Variants in PKD1L1 observed in about 807,000 individuals in gnomAD.
The protein encoded by PKD1L1 is polycystin-1-like protein 1.
PKD1L1 carries 236 observed loss-of-function variants against 323.4 expected under a neutral mutation model. That is an observed-to-expected ratio of 0.73 (90% CI 0.66 to 0.81). PKD1L1 has a LOEUF of 0.81. Among genes scored for constraint, PKD1L1 ranks in the 40% least tolerant of loss-of-function variants. The pLI, the probability that PKD1L1 is intolerant of heterozygous loss-of-function variation, is 0.00. For missense variants in PKD1L1, 3,320 were observed against 3,508.0 expected (o/e 0.95, Z 1.35); for synonymous variants, 1,344 against 1,335.0 (o/e 1.01, Z -0.15).
chr7:47,837,941 C>T (rs973704729), intron 36 of PKD1L1, among the ~76,000 whole-genome samples: 3 of 152,166 alleles, frequency 2.0e-5, no homozygotes, highest in East Asian at 3.8e-4. Flanking sequence ...ACAAGCAACG[C>T]TCAATTCGCA....
chr7:47,858,556 A>G, intron 27 of PKD1L1, 117 bp downstream of exon 27: 1 of 918,414 alleles, frequency 1.1e-6, no homozygotes, highest in Non-Finnish European at 1.7e-6. Flanking sequence ...AGAAGAATGA[A>G]CACAGTACTT....
At position 47,818,271 on chromosome 7, in the gene PKD1L1, A is replaced by G. The variant is rs1052117360; in HGVS notation, c.6965+2805T>C. ...AGCCAGGGGGCACAGAGATGCAGTG[A>G]AAAGGGCGGGAGGGTAGGAAAGAGG... On this transcript the variant is annotated intron_variant, in intron 46 of 56. Transcript: ENST00000289672. 5 of 1,172,352 alleles carry G rather than the reference A, an allele frequency of 4.3e-6. No homozygotes were observed. In the African/African-American group the frequency reaches 6.4e-5, roughly 15 times the overall value. 72.6% of individuals were successfully genotyped at this position (1,172,352 alleles called of 1,614,324 possible).
intron 48 of PKD1L1, 23 bp from the exon 49 acceptor site, chr7:47,813,316 G>A (rs1283987650): frequency 2.5e-6 from 4 of 1,613,052 alleles, no homozygotes; most frequent in African/African-American, 1.3e-5. Flanking sequence ...CCAGCAGTCA[G>A]AAGACACAGA....
intron 31 of PKD1L1, among the ~76,000 whole-genome samples, chr7:47,847,626 C>A (rs1031512646): frequency 6.6e-6 from 1 of 152,034 alleles, no homozygotes; most frequent in Non-Finnish European, 1.5e-5. Flanking sequence ...TTAAAAATTG[C>A]CCAAGACTTT....
At chr7:47,850,682 A>G (rs1396456039) in intron 31 of PKD1L1, among the ~76,000 whole-genome samples, 1 of 151,816 alleles carries the variant, frequency 6.6e-6, no homozygotes, top group Non-Finnish European at 1.5e-5. Flanking sequence ...CATTAAGTAC[A>G]TGCAAAAAAG....
chr7:47,959,066 C>G, the PKD1L1 span, among the ~76,000 whole-genome samples: 1 of 152,252 alleles, frequency 6.6e-6, no homozygotes, highest in Non-Finnish European at 1.5e-5. Context: ...GCGAGTGATC[C>G]GCCAGCCTCG....
chr7:47,939,633 A>C (rs904595994), intron 3 of PKD1L1, among the ~76,000 whole-genome samples: 2 of 152,162 alleles, frequency 1.3e-5, no homozygotes, highest in Non-Finnish European at 2.9e-5. Flanking sequence ...GGAATTCACA[A>C]ACATCCAGGT....
intron 46 of PKD1L1, among the ~76,000 whole-genome samples, chr7:47,816,157 G>T (rs1785013808): frequency 6.6e-6 from 1 of 152,246 alleles, no homozygotes; most frequent in African/African-American, 2.4e-5. Flanking sequence ...TGCCGACTGG[G>T]CGCAGCATGT....
intron 23 of PKD1L1, among the ~76,000 whole-genome samples, chr7:47,875,222 A>G (rs143950570): frequency 1.3e-5 from 2 of 152,344 alleles, no homozygotes; most frequent in African/African-American, 2.4e-5. Context: ...TTTGCTCAAT[A>G]TAATTGATTT....
chr7:47,949,662 G>C (rs980498468), upstream of PKD1L1, among the ~76,000 whole-genome samples: 4 of 152,152 alleles, frequency 2.6e-5, no homozygotes, highest in Non-Finnish European at 5.9e-5. Context: ...AACCTTCAGA[G>C]ATTTTAGAAA....
At position 47,904,465 on chromosome 7, in the gene PKD1L1, T is replaced by G. The variant is rs960284204; in HGVS notation, c.1844A>C (p.Asn615Thr). 65 of 1,614,030 alleles carry G rather than the reference T, an allele frequency of 4.0e-5. No individual in the cohort carries two copies. The highest frequency in any genetic ancestry group is 5.3e-5 in the Non-Finnish European group (63 of 1,180,028). The change falls in exon 12 of 57, where the codon AAC becomes ACC. Residue 615 changes from asparagine (N) to threonine (T), a missense_variant. Physicochemically the swap from Asn to Thr is moderately conservative, Grantham distance 65. Coordinates refer to ENST00000289672, the MANE Select transcript of PKD1L1 (RefSeq NM_138295.5). ...CAGGTAGGCAACATCTGTGCCGAAG[T>G]TGATCCAGCACTCAAAGGCCACACT... ...NASVAFECWI[N>T]FGTDVAYLWD...
chr7:47,876,237 A>G lies in PKD1L1; in HGVS notation c.3664-20T>C. ...GAAGTCCTATGATCCAGTCCAAGGG[A>G]GCAAAAATAGTATAAATGAACACAC... On this transcript the variant is annotated intron_variant, in intron 22 of 56. Transcript: ENST00000289672. 1 of 1,611,320 alleles carries G rather than the reference A, an allele frequency of 6.2e-7. No individual in the cohort carries two copies. The highest frequency in any genetic ancestry group is 8.5e-7 in the Non-Finnish European group (1 of 1,178,192).
At chr7:47,867,441 C>A (rs1786191378) in intron 24 of PKD1L1, among the ~76,000 whole-genome samples, 1 of 152,208 alleles carries the variant, frequency 6.6e-6, no homozygotes, top group East Asian at 1.9e-4. Flanking sequence ...AATGACCAAA[C>A]AAACAAAAAC....
chr7:47,783,805 T>A (rs1248904190), intron 56 of PKD1L1, among the ~76,000 whole-genome samples: 1 of 152,216 alleles, frequency 6.6e-6, no homozygotes, highest in Non-Finnish European at 1.5e-5. Flanking sequence ...AAATTTCTGT[T>A]TGTGGCACTT....
intron 56 of PKD1L1, among the ~76,000 whole-genome samples, chr7:47,779,549 C>T (rs991105561): frequency 7.2e-5 from 11 of 152,164 alleles, no homozygotes; most frequent in African/African-American, 2.4e-4. Flanking sequence ...ATATTCTCTA[C>T]GGAGATATTT....
At chr7:47,949,591 CATT>C (rs1788172798), upstream of PKD1L1, among the ~76,000 whole-genome samples, 1 of 152,022 alleles carries the variant, frequency 6.6e-6, no homozygotes. Flanking sequence ...CATTACGAAA[CATT>C]TTCTCTTATA....
At chr7:47,951,676 GGT>G (rs1312396272), upstream of PKD1L1, among the ~76,000 whole-genome samples, 1 of 152,150 alleles carries the variant, frequency 6.6e-6, no homozygotes, top group Non-Finnish European at 1.5e-5. Context: ...TTCTCACATG[GGT>G]TTTCATACTT....
intron 56 of PKD1L1, among the ~76,000 whole-genome samples, chr7:47,782,532 T>C (rs967455489): frequency 4.6e-5 from 7 of 152,208 alleles, no homozygotes; most frequent in African/African-American, 1.7e-4. Context: ...AAGGTCACCA[T>C]GAGAAAAGAG....
intron 4 of PKD1L1, among the ~76,000 whole-genome samples, chr7:47,933,744 A>G (rs1367704806): frequency 6.6e-6 from 1 of 152,192 alleles, no homozygotes; most frequent in African/African-American, 2.4e-5. Context: ...ATAAATAAAT[A>G]AATAAATAAA....
Sources: gnomAD v4.1 joint callset for allele counts (sites outside exome capture counted in the v4.1 genomes callset) on GRCh38, gnomAD v4.1.1 for gene constraint, MANE v1.5 for transcripts, NCBI Gene and HGNC (gene_info 2026-07-23, HGNC 2026-07-21) for gene names.